Variants in TASOR2 observed in about 807,000 individuals in gnomAD.
The protein encoded by TASOR2 is protein TASOR 2.
TASOR2 carries 84 observed loss-of-function variants against 199.5 expected under a neutral mutation model. The ratio of observed to expected loss-of-function variants is 0.42; its 90% CI spans 0.35 to 0.50. The LOEUF is 0.50. Among genes scored for constraint, TASOR2 ranks in the 20% least tolerant of loss-of-function variants. The probability of loss-of-function intolerance (pLI) is 0.02; values close to 1 mark genes in which losing one functional copy is unlikely to be tolerated. For synonymous variants in TASOR2, 1,103 were observed against 1,046.6 expected, an observed-to-expected ratio of 1.05 and a Z score of -1.04; for missense variants, 2,796 against 2,835.9, an observed-to-expected ratio of 0.99 and a Z score of 0.32.
intron 11 of TASOR2, among the ~76,000 whole-genome samples, chr10:5,733,262 C>T (rs1170595488): frequency 6.6e-6 from 1 of 152,246 alleles, no homozygotes; most frequent in Non-Finnish European, 1.5e-5. Flanking sequence ...AATCCTAACA[C>T]TTTGGGAGGC....
chr10:5,747,282 A>C (rs1837351400), exon 15 of TASOR2: 1 of 1,614,208 alleles, frequency 6.2e-7, no homozygotes, highest in Non-Finnish European at 8.5e-7. Context: ...TAGCTCTAAC[A>C]ATATCACCAC....
chr10:5,739,686 A>C (rs542862301), exon 13 of TASOR2: 1 of 1,614,134 alleles, frequency 6.2e-7, no homozygotes, highest in Non-Finnish European at 8.5e-7. Context: ...TGGGATTAGC[A>C]TAAATAGTGT....
Position 5,737,670 on chromosome 10 carries a change from C to A in TASOR2, c.1448-1948C>A, listed in dbSNP as rs1011503152. Reference sequence around the variant, plus strand: ...TTTGAGAACATTCTATAATTTAATTCATACTGTTTTCAATTCATCTGACAT... The same window carrying A: ...TTTGAGAACATTCTATAATTTAATTAATACTGTTTTCAATTCATCTGACAT... On this transcript the variant is annotated intron_variant, in intron 12 of 20. Coordinates refer to ENST00000328090, the Ensembl canonical transcript of TASOR2. This position sits in a 1 kb window ranked among gnomAD's most constrained non-coding sequence, Gnocchi z 4.9. 5.9e-5 allele frequency among the ~76,000 whole-genome samples: 9 copies of A among 152,154 alleles called. No individual in the cohort carries two copies. Among genetic ancestry groups the A allele is most frequent in the African/African-American group, 1.9e-4 (8 of 41,424 alleles).
intron 1 of TASOR2, among the ~76,000 whole-genome samples, chr10:5,693,606 C>T (rs779403582): frequency 1.8e-4 from 28 of 152,160 alleles, no homozygotes; most frequent in Non-Finnish European, 3.8e-4. Context: ...AGTTCAAGAC[C>T]AACCTGGGCA....
At chr10:5,734,715 GATTT>G (rs1835310457) in intron 11 of TASOR2, among the ~76,000 whole-genome samples, 1 of 111,108 alleles carries the variant, frequency 9.0e-6, no homozygotes, top group Non-Finnish European at 1.7e-5. Flanking sequence ...AGGTTATGAA[GATTT>G]TTTTTTTTTT....
At chr10:5,739,717 C>T (rs753642541) in exon 13 of TASOR2, 15 of 1,613,934 alleles carry the variant, frequency 9.3e-6, no homozygotes, top group Admixed American at 3.3e-5. Context: ...AATACCACAG[C>T]GGCTCACAAT....
rs1284441080 is a variant in TASOR2 at position 5,720,656 on chromosome 10, C to T, written c.14C>T (p.Ala5Val). ...GAATCTAAAACTATGGCACCACCAG[C>T]TCATAAAAGCATGTAAGTAATTATG... Residue 5 changes from alanine (A) to valine (V), a missense_variant, in exon 4 of 21, where the codon GCT (alanine) becomes GTT (valine). Transcript: ENST00000328090. The surrounding 1 kb of genome is among the most constrained non-coding windows in gnomAD (Gnocchi z 5.3). 6.2e-7 allele frequency: 1 copy of T among 1,614,054 alleles called. No homozygotes were observed. The highest frequency in any genetic ancestry group is 1.1e-5 in the South Asian group (1 of 91,074).
rs1836341355 is a variant in TASOR2 at position 5,690,899 on chromosome 10, A to G, written c.-288+5724A>G. Among the ~76,000 whole-genome samples, 1 of 152,190 alleles carries G rather than the reference A, an allele frequency of 6.6e-6. No individual in the cohort carries two copies. Among genetic ancestry groups the G allele is most frequent in the Admixed American group, 6.5e-5 (1 of 15,272 alleles). ...CTTTGAAATAATTCTAATGAAAATT[A>G]TATGACCTTGAGGCTGGGCGCGGTG... On this transcript the variant is annotated intron_variant, in intron 1 of 20. Coordinates refer to ENST00000328090, the Ensembl canonical transcript of TASOR2. This position sits in a 1 kb window ranked among gnomAD's most constrained non-coding sequence, Gnocchi z 4.8.
At chr10:5,712,191 A>G (rs917528392) in intron 1 of TASOR2, 7 of 332,334 alleles carry the variant, frequency 2.1e-5, no homozygotes, top group Non-Finnish European at 3.2e-5. Flanking sequence ...TCCTGTACTA[A>G]AAGTAATTCA....
At position 5,739,765 on chromosome 10, in the gene TASOR2, A is replaced by C. The variant is rs762445948; in HGVS notation, c.1595A>C (p.Gln532Pro). ...AACTCCATCGTCAACTATGACTCCC[A>C]GGCCCTAAATATGTTAGCCGATCTA... Residue 532 changes from glutamine (Q) to proline (P), a missense_variant, in exon 13 of 21, where the codon CAG (glutamine) becomes CCG (proline). Around this residue, in one of 3 missense-constraint regions of TASOR2, gnomAD observed 847 missense variants for 887.4 expected, o/e 0.95. Coordinates refer to ENST00000328090, the Ensembl canonical transcript of TASOR2. The C allele has an allele frequency of 2.5e-6, 4 of 1,614,048 alleles. No homozygotes were observed. The South Asian group carries it at 4.4e-5, about 18-fold the overall frequency.
At position 5,722,455 on chromosome 10, in the gene TASOR2, C is replaced by T. The variant is rs547767826; in HGVS notation, c.147-1222C>T. Among the ~76,000 whole-genome samples, 22 of 151,042 alleles carry T rather than the reference C, an allele frequency of 1.5e-4. No individual in the cohort carries two copies. Among genetic ancestry groups the T allele is most frequent in the Admixed American group, 3.3e-4 (5 of 15,186 alleles). ...TGGGCGACAGAGTGAAACCTTATCTCAAAAAAAGAAAAGAAAAAATTTCCT... is the reference window on the plus strand; with the variant it reads ...TGGGCGACAGAGTGAAACCTTATCTTAAAAAAAGAAAAGAAAAAATTTCCT... On this transcript the variant is annotated intron_variant, in intron 6 of 20. Transcript: ENST00000328090. This position sits in a 1 kb window ranked among gnomAD's most constrained non-coding sequence, Gnocchi z 4.0.
Position 5,749,856 on chromosome 10 carries a change from A to G in TASOR2, c.6435A>G (p.Gln2145=), listed in dbSNP as rs144652739. 3 of 1,614,230 alleles carry G rather than the reference A, an allele frequency of 1.9e-6. No individual in the cohort carries two copies. In the African/African-American group the frequency reaches 4.0e-5, roughly 22 times the overall value. ...ATGTTTCTGGAGAAGCCACTGCTCAAGAGATGTATCTGCCTTTCCCAGGAC... is the reference window on the plus strand; with the variant it reads ...ATGTTTCTGGAGAAGCCACTGCTCAGGAGATGTATCTGCCTTTCCCAGGAC... Residue 2145 remains glutamine (Q), a synonymous_variant, in exon 15 of 21, where the codon CAA becomes CAG. Coordinates refer to ENST00000328090, the Ensembl canonical transcript of TASOR2.
In TASOR2 at chr10:5,690,641, TG is replaced by T. The variant is rs1392326760; in HGVS notation, c.-288+5467del. On this transcript the variant is annotated intron_variant, in intron 1 of 20. Coordinates refer to ENST00000328090, the Ensembl canonical transcript of TASOR2. The surrounding 1 kb of genome is among the most constrained non-coding windows in gnomAD (Gnocchi z 4.8). ...ATCAAGAGTACCCAAAAGTGGGTCT[TG>T]AAATATAATTGTTTCTGAGAGGAAC... 6.6e-6 allele frequency among the ~76,000 whole-genome samples: 1 copy of T among 152,246 alleles called. No homozygotes were observed. Among genetic ancestry groups the T allele is most frequent in the Non-Finnish European group, 1.5e-5 (1 of 68,042 alleles).
Position 5,690,746 on chromosome 10 carries a change from C to T in TASOR2, c.-288+5571C>T, listed in dbSNP as rs879783043. Among the ~76,000 whole-genome samples the T allele has an allele frequency of 5.9e-5, 9 of 152,174 alleles. No individual in the cohort carries two copies. The South Asian group carries it at 8.3e-4, about 14-fold the overall frequency. On this transcript the variant is annotated intron_variant, in intron 1 of 20. Coordinates refer to ENST00000328090, the Ensembl canonical transcript of TASOR2. This position sits in a 1 kb window ranked among gnomAD's most constrained non-coding sequence, Gnocchi z 4.8. ...CTTGCAATAAGTATATTAATGAATA[C>T]GATACAACCATTTTATACAGGCAAA... is the stretch of plus-strand genomic sequence containing the variant.
At position 5,758,848 on chromosome 10, in the gene TASOR2, A is replaced by C. The variant is rs2246268; in HGVS notation, c.6887-39A>C. 0.044 allele frequency: 65,902 copies of C among 1,503,130 alleles called. 8,141 individuals are homozygous for C. The East Asian group carries it at 0.44, about 10-fold the overall frequency. The allele number at this position is 1,503,130 out of a possible 1,614,324, so 93.1% of individuals were successfully genotyped here. A position where few individuals can be genotyped will look rare whatever the true frequency, so the allele number is the denominator to read the frequency against. ...CTTGGCATGAGCCAAAAGTACCTTAAACTTGTCATCTTCTTTTGCTACATT... is the reference window on the plus strand; with the variant it reads ...CTTGGCATGAGCCAAAAGTACCTTACACTTGTCATCTTCTTTTGCTACATT... On this transcript the variant is annotated intron_variant, in intron 17 of 20. Transcript: ENST00000328090.
chr10:5,749,220 A>G, exon 15 of TASOR2: 1 of 1,614,054 alleles, frequency 6.2e-7, no homozygotes, highest in Non-Finnish European at 8.5e-7. Context: ...TAACAAAAGA[A>G]CTCAAAGATA....
chr10:5,692,574 C>G (rs1836571657), intron 1 of TASOR2, among the ~76,000 whole-genome samples: 3 of 152,014 alleles, frequency 2.0e-5, no homozygotes, highest in Non-Finnish European at 4.4e-5. Context: ...TGTAGGGTTC[C>G]CTGGTGTGTG....
At chr10:5,762,937 T>G in intron 20 of TASOR2, 92 bp from the exon 22 acceptor site, 1 of 1,184,338 alleles carries the variant, frequency 8.4e-7, no homozygotes, top group South Asian at 1.4e-5. Context: ...TTAGAATGCA[T>G]AGGCGTTTTC....
intron 14 of TASOR2, among the ~76,000 whole-genome samples, chr10:5,743,202 T>C (rs986294577): frequency 4.6e-5 from 7 of 152,216 alleles, no homozygotes; most frequent in African/African-American, 1.7e-4. Context: ...TAGAATAATA[T>C]TGCTTGGGTT....
Sources: gnomAD v4.1 joint callset for allele counts (sites outside exome capture counted in the v4.1 genomes callset) on GRCh38, gnomAD v4.1.1 for gene constraint, gnomAD v4.1.1 regional missense constraint, Gnocchi (gnomAD v3.1) non-coding constraint, MANE v1.5 for transcripts, NCBI Gene and HGNC (gene_info 2026-07-23, HGNC 2026-07-21) for gene names.